ANK1: variants seen among roughly 807,000 people sequenced by gnomAD.
ANK1 encodes ankyrin-1.
In ANK1, 51 loss-of-function variants were observed where a neutral mutation model predicts 210.4. That is an observed-to-expected ratio of 0.24 (90% CI 0.19 to 0.31). The LOEUF is 0.31. Among genes scored for constraint, ANK1 ranks in the 10% least tolerant of loss-of-function variants. The pLI, the probability that ANK1 is intolerant of heterozygous loss-of-function variation, is 1.00. For synonymous variants in ANK1, 967 were observed against 1,025.9 expected, an observed-to-expected ratio of 0.94 and a Z score of 1.10; for missense variants, 2,051 against 2,504.4, an observed-to-expected ratio of 0.82 and a Z score of 3.86.
At chr8:41,812,816 A>T (rs1047106319) in intron 1 of ANK1, among the ~76,000 whole-genome samples, 2 of 152,128 alleles carry the variant, frequency 1.3e-5, no homozygotes, top group Non-Finnish European at 2.9e-5. Context: ...GATCCCTCTC[A>T]TGCACAGCTC....
intron 39 of ANK1, chr8:41,665,062 G>A (rs988221714): frequency 4.4e-6 from 7 of 1,606,658 alleles, no homozygotes; most frequent in Non-Finnish European, 5.9e-6. Flanking sequence ...GGCAGCCAGG[G>A]CCCCGGCCAC....
chr8:41,852,722 C>T (rs1811487783), intron 1 of ANK1, among the ~76,000 whole-genome samples: 2 of 152,236 alleles, frequency 1.3e-5, no homozygotes, highest in African/African-American at 4.8e-5. Flanking sequence ...GATGATTTAT[C>T]GAGGATGACG....
At chr8:41,844,393 G>C (rs1175982669) in intron 1 of ANK1, among the ~76,000 whole-genome samples, 1 of 152,068 alleles carries the variant, frequency 6.6e-6, no homozygotes, top group Admixed American at 6.5e-5. Flanking sequence ...TGTACCTCTC[G>C]GCCCAGGACA....
Position 41,684,654 on chromosome 8 carries a change from C to A in ANK1, c.4427G>T (p.Arg1476Leu), listed in dbSNP as rs557897612. Residue 1476 changes from arginine (R) to leucine (L), a missense_variant, in exon 37 of 43, where the codon CGT becomes CTT. Physicochemically the swap from Arg to Leu is moderately radical, Grantham distance 102. Transcript: ENST00000289734. Reference protein sequence around the residue: ...NLYTALQSIDRGEIVNMLEGS... With the variant: ...NLYTALQSIDLGEIVNMLEGS... ...CTCCAGCATGTTCACGATCTCGCCACGGTCAATGCTCTGCAGGGCTGTGTA... is the reference window on the plus strand; with the variant it reads ...CTCCAGCATGTTCACGATCTCGCCAAGGTCAATGCTCTGCAGGGCTGTGTA... The A allele has an allele frequency of 6.2e-6, 10 of 1,613,694 alleles. No individual in the cohort carries two copies. The African/African-American group carries it at 1.1e-4, about 17-fold the overall frequency.
At chr8:41,709,106 A>T (rs1563513499) in intron 16 of ANK1, 131 bp from the exon 17 acceptor site, 2 of 970,150 alleles carry the variant, frequency 2.1e-6, no homozygotes. Context: ...ATCACCCAGG[A>T]GCAATTTAGG....
intron 1 of ANK1, among the ~76,000 whole-genome samples, chr8:41,804,632 G>C (rs1315228224): frequency 1.3e-5 from 2 of 152,172 alleles, no homozygotes; most frequent in Admixed American, 6.5e-5. Context: ...GTAACTATGG[G>C]AGGGAGATTA....
chr8:41,835,300 A>C (rs929850027), intron 1 of ANK1, among the ~76,000 whole-genome samples: 1 of 152,060 alleles, frequency 6.6e-6, no homozygotes, highest in Non-Finnish European at 1.5e-5. Context: ...AAAAATACAA[A>C]AATTAGCCAG....
At chr8:41,854,532 C>G (rs1342885976) in intron 1 of ANK1, among the ~76,000 whole-genome samples, 1 of 152,166 alleles carries the variant, frequency 6.6e-6, no homozygotes, top group Non-Finnish European at 1.5e-5. Flanking sequence ...GGGCCCTCAC[C>G]ATAATGCTTC....
chr8:41,735,723 A>G (rs1017217521), intron 2 of ANK1, among the ~76,000 whole-genome samples: 21 of 152,176 alleles, frequency 1.4e-4, no homozygotes, highest in Non-Finnish European at 2.9e-4. Flanking sequence ...GATTAGGCAA[A>G]TTGCTTTGCC....
rs1436801828 is a variant in ANK1, at chr8:41,663,737, A to T, written c.5400T>A (p.Asn1800Lys). ...GCTCCCCTGGAATATTCTGAAACTC[A>T]TTCCCCTGGAATTAGAGAAAGGGAG... ...KNTFTQVVQGNEFQNIPGEQV... is the reference protein window; with the variant it reads ...KNTFTQVVQGKEFQNIPGEQV... Residue 1800 changes from asparagine to lysine, a missense_variant, in exon 40 of 43, where the codon AAT becomes AAA. This residue lies in a region of ANK1 where 496 missense variants were observed against 533.4 expected (regional missense o/e 0.93). Coordinates refer to ENST00000289734, the MANE Select transcript of ANK1 (RefSeq NM_000037.4). 1.9e-6 allele frequency: 3 copies of T among 1,612,042 alleles called. No homozygotes were observed. The highest frequency in any genetic ancestry group is 2.2e-5 in the East Asian group (1 of 44,866).
intron 37 of ANK1, among the ~76,000 whole-genome samples, chr8:41,675,340 G>A (rs749808911): frequency 1.3e-5 from 2 of 152,116 alleles, no homozygotes; most frequent in East Asian, 1.9e-4. Context: ...CAAGTGATTC[G>A]CTTGCCTCAG....
At chr8:41,689,196 C>T (rs1586102484) in intron 33 of ANK1, among the ~76,000 whole-genome samples, 1 of 139,326 alleles carries the variant, frequency 7.2e-6, no homozygotes, top group Non-Finnish European at 1.5e-5. Context: ...GATCATGGCT[C>T]CACTGCAGCC....
At chr8:41,665,160 C>T in intron 39 of ANK1, 1 of 1,535,060 alleles carries the variant, frequency 6.5e-7, no homozygotes, top group Non-Finnish European at 8.7e-7. Context: ...CTCTGGTTTG[C>T]TCTCTTGGTC....
At chr8:41,700,405 C>G in intron 22 of ANK1, 1 of 1,610,504 alleles carries the variant, frequency 6.2e-7, no homozygotes, top group African/African-American at 1.3e-5. Context: ...GAGAAAAGAC[C>G]ACAGTAAACA....
intron 17 of ANK1, among the ~76,000 whole-genome samples, chr8:41,707,945 C>T (rs115420821): frequency 0.025 from 3,761 of 152,136 alleles, 150 homozygotes; most frequent in African/African-American, 0.083. Flanking sequence ...CATGGTTCCA[C>T]GTATATGAAA....
chr8:41,838,767 A>AAAAAATAATAATAATAAT (rs374459221), intron 1 of ANK1, among the ~76,000 whole-genome samples: 4 of 140,546 alleles, frequency 2.8e-5, no homozygotes, highest in African/African-American at 1.1e-4. Flanking sequence ...TCCGTCTCAA[A>AAAAAATAATAATAATAAT]AATAATAATA....
chr8:41,896,280 G>A, intron 1 of ANK1: 1 of 1,496,782 alleles, frequency 6.7e-7, no homozygotes, highest in South Asian at 1.3e-5. Context: ...CGCGTCCCGG[G>A]CCGCCCGACC....
chr8:41,709,085 G>T, intron 16 of ANK1, 110 bp from the exon 17 acceptor site: 1 of 1,258,434 alleles, frequency 7.9e-7, no homozygotes, highest in South Asian at 1.3e-5. Flanking sequence ...CACCCAGTGA[G>T]CAGGGCTGGC....
chr8:41,848,393 T>C (rs765908318), intron 1 of ANK1, among the ~76,000 whole-genome samples: 23 of 152,142 alleles, frequency 1.5e-4, no homozygotes, highest in Non-Finnish European at 2.9e-4. Flanking sequence ...TGCGAAGACC[T>C]CACAGGGGAA....
Sources: allele counts gnomAD v4.1 joint callset (sites outside exome capture counted in the v4.1 genomes callset), GRCh38; gene constraint gnomAD v4.1.1; regional missense constraint gnomAD v4.1.1; transcripts MANE v1.5; gene names NCBI Gene and HGNC (gene_info 2026-07-23, HGNC 2026-07-21).